The following PPEF1 variants were observed in gnomAD, a reference collection of about 807,000 sequenced individuals.
The protein encoded by PPEF1 is serine/threonine-protein phosphatase with EF-hands 1.
Under a neutral mutation model 53.3 loss-of-function variants are expected in PPEF1, and 12 were observed. The observed-to-expected ratio is 0.23, with a 90% CI of 0.14 to 0.36. The LOEUF (loss-of-function observed/expected upper bound fraction) is 0.36. PPEF1 is among the 10% of genes least tolerant of loss of function. The probability of loss-of-function intolerance (pLI) is 1.00; values close to 1 mark genes in which losing one functional copy is unlikely to be tolerated. For synonymous variants in PPEF1, 165 were observed against 176.7 expected (o/e 0.93, Z 0.52); for missense variants, 334 against 490.4 (o/e 0.68, Z 3.01).
intron 1 of PPEF1, among the ~76,000 whole-genome samples, chrX:18,716,339 T>C (rs1435167355): frequency 9.1e-6 from 1 of 109,550 alleles, no homozygotes; most frequent in East Asian, 2.9e-4. Context: ...GAGACCATCC[T>C]GGCTAACACG....
At chrX:18,717,652 C>A (rs144860381) in intron 1 of PPEF1, among the ~76,000 whole-genome samples, 1,317 of 111,388 alleles carry the variant, frequency 0.012, 22 homozygotes, top group African/African-American at 0.039. Flanking sequence ...GCACTCCTGC[C>A]CACTCCCTTC....
intron 4 of PPEF1, among the ~76,000 whole-genome samples, chrX:18,752,489 T>C (rs1428337151): frequency 1.8e-5 from 2 of 111,178 alleles, no homozygotes; most frequent in African/African-American, 3.3e-5. Context: ...CTTTTGTTTC[T>C]TTTTCTTGCT....
chrX:18,728,858 T>C (rs1022949199), intron 1 of PPEF1, among the ~76,000 whole-genome samples: 3 of 111,849 alleles, frequency 2.7e-5, no homozygotes, highest in African/African-American at 9.8e-5. Context: ...CCTGTTATAG[T>C]CAACTCTTAT....
intron 9 of PPEF1, among the ~76,000 whole-genome samples, chrX:18,788,221 C>T (rs964267222): frequency 5.0e-5 from 5 of 99,181 alleles, no homozygotes; most frequent in South Asian, 5.1e-4. Context: ...AGGAGAATGG[C>T]GTGAACCCGG....
chrX:18,767,707 G>C (rs1914171360), intron 6 of PPEF1, among the ~76,000 whole-genome samples: 1 of 111,777 alleles, frequency 8.9e-6, no homozygotes, highest in African/African-American at 3.3e-5. Flanking sequence ...GAGGATATTG[G>C]GTCTTAGGAA....
intron 4 of PPEF1, among the ~76,000 whole-genome samples, chrX:18,754,139 G>T (rs781674420): frequency 9.0e-6 from 1 of 110,909 alleles, no homozygotes; most frequent in South Asian, 3.8e-4. Context: ...AACTCCTTGG[G>T]CCATTTACAA....
intron 3 of PPEF1, among the ~76,000 whole-genome samples, chrX:18,748,637 T>G (rs2045376800): frequency 8.9e-6 from 1 of 112,370 alleles, no homozygotes; most frequent in Non-Finnish European, 1.9e-5. Flanking sequence ...GCAGTTTTTT[T>G]GGGTCTTGGC....
chrX:18,785,136 C>T (rs2046173118), intron 9 of PPEF1, among the ~76,000 whole-genome samples: 1 of 111,679 alleles, frequency 9.0e-6, no homozygotes, highest in Non-Finnish European at 1.9e-5. Context: ...ACCCTTTATA[C>T]ACATGTGAAT....
intron 1 of PPEF1, among the ~76,000 whole-genome samples, chrX:18,677,572 A>G (rs1928722130): frequency 9.0e-6 from 1 of 111,458 alleles, no homozygotes; most frequent in Non-Finnish European, 1.9e-5. Context: ...ACTTCTAAGG[A>G]CGGTTTCATG....
chrX:18,738,973 C>T (rs2045071283), intron 3 of PPEF1, among the ~76,000 whole-genome samples: 1 of 112,313 alleles, frequency 8.9e-6, no homozygotes, highest in South Asian at 3.7e-4. Flanking sequence ...GTTTTCAGCT[C>T]CATCAGGTCA....
At chrX:18,690,922 C>T (rs1257349512) in intron 3 of PPEF1, 1 of 111,934 alleles carries the variant, frequency 8.9e-6, no homozygotes, top group Admixed American at 9.5e-5. Flanking sequence ...TAGAATCTAC[C>T]TCTTGAAGAT....
chrX:18,758,289 GAAAC>G (rs71800937), intron 5 of PPEF1, among the ~76,000 whole-genome samples: 3,203 of 112,104 alleles, frequency 0.029, 54 homozygotes, highest in Non-Finnish European at 0.047. Context: ...ATTGCTTCAA[GAAAC>G]AGTACACATT....
intron 12 of PPEF1, among the ~76,000 whole-genome samples, chrX:18,814,688 A>G (rs991860634): frequency 2.7e-5 from 3 of 110,851 alleles, no homozygotes; most frequent in African/African-American, 9.8e-5. Context: ...TAATGGGGCT[A>G]TTTGTTTTTT....
At chrX:18,701,817 A>G (rs762136475) in intron 6 of PPEF1, among the ~76,000 whole-genome samples, 1 of 112,751 alleles carries the variant, frequency 8.9e-6, no homozygotes, top group Non-Finnish European at 1.9e-5. Context: ...TCCTAGAATA[A>G]TAAACCACAT....
At chrX:18,801,459 G>A (rs1352818106) in intron 10 of PPEF1, among the ~76,000 whole-genome samples, 1 of 111,776 alleles carries the variant, frequency 8.9e-6, no homozygotes, top group South Asian at 3.8e-4. Flanking sequence ...TAGAATAACT[G>A]CATAACTTCA....
chrX:18,770,787 A>G (rs2045857636), intron 6 of PPEF1, among the ~76,000 whole-genome samples: 1 of 112,689 alleles, frequency 8.9e-6, no homozygotes, highest in Admixed American at 9.4e-5. Context: ...TGTCATCGCA[A>G]TAGAAAGTGT....
rs58697941 is a variant in PPEF1 at position 18,826,417 on chromosome X, C to CTTTTT, written c.1750+606_1750+610dup. 1.3e-3 allele frequency among the ~76,000 whole-genome samples: 31 copies of CTTTTT among 24,632 alleles called. 6 individuals are homozygous for CTTTTT. Among genetic ancestry groups the CTTTTT allele is most frequent in the African/African-American group, 6.0e-3 (29 of 4,826 alleles). The allele number at this position is 24,632 out of a possible 115,157, so 21.4% of individuals were successfully genotyped here. A position where few individuals can be genotyped will look rare whatever the true frequency, so the allele number is the denominator to read the frequency against. ...AAGGGCTATGAAAAGTCATTTTCTGCTTTTTTTTTTTTTTTTTTTTTTTTT... is the reference window on the plus strand; with the variant it reads ...AAGGGCTATGAAAAGTCATTTTCTGCTTTTTTTTTTTTTTTTTTTTTTTTTTTTTT... On this transcript the variant is annotated intron_variant, in intron 15 of 15. Coordinates refer to ENST00000470157, the MANE Select transcript of PPEF1 (RefSeq NM_001377996.1).
chrX:18,805,980 C>T (rs1206148598), intron 11 of PPEF1, among the ~76,000 whole-genome samples: 1 of 109,673 alleles, frequency 9.1e-6, no homozygotes, highest in East Asian at 2.8e-4. Context: ...GGGCCCTGAA[C>T]CCTCTAAATC....
At chrX:18,755,278 T>C (rs747662926) in intron 4 of PPEF1, among the ~76,000 whole-genome samples, 5 of 111,841 alleles carry the variant, frequency 4.5e-5, no homozygotes, top group Non-Finnish European at 9.4e-5. Flanking sequence ...CATTTTAAAG[T>C]GTATGAGGCC....
Sources: allele counts gnomAD v4.1 joint callset (sites outside exome capture counted in the v4.1 genomes callset), GRCh38; gene constraint gnomAD v4.1.1; transcripts MANE v1.5; gene names NCBI Gene and HGNC (gene_info 2026-07-23, HGNC 2026-07-21).